Variants in SESN3 observed in about 807,000 individuals in gnomAD.
SESN3 encodes the protein sestrin 3, also known as sestrin-3.
Under a neutral mutation model 55.3 loss-of-function variants are expected in SESN3, and 21 were observed. That is an observed-to-expected ratio of 0.38 (90% CI 0.27 to 0.55). The LOEUF (loss-of-function observed/expected upper bound fraction) is 0.55. SESN3 is among the 20% of genes least tolerant of loss of function. The probability of loss-of-function intolerance (pLI) is 0.76; values close to 1 mark genes in which losing one functional copy is unlikely to be tolerated. For synonymous variants in SESN3, 181 were observed against 203.1 expected (o/e 0.89, Z 0.93); for missense variants, 408 against 604.3 (o/e 0.68, Z 3.41).
At chr11:95,206,365 T>TACAC (rs3032056) in intron 1 of SESN3, among the ~76,000 whole-genome samples, 4,434 of 140,408 alleles carry the variant, frequency 0.032, 115 homozygotes, top group African/African-American at 0.082. Flanking sequence ...AGTCCTAAAA[T>TACAC]ACACACACAC....
chr11:95,210,838 A>T (rs1860641554), intron 1 of SESN3, among the ~76,000 whole-genome samples: 2 of 152,340 alleles, frequency 1.3e-5, no homozygotes, highest in East Asian at 1.9e-4. Flanking sequence ...AGAAAAACCC[A>T]AACTTGGTAA....
rs1448778329 is a variant in SESN3, at chr11:95,172,084, G to C, written c.*1171C>G. ...AGAAATTTGAAAAAAATTTCTTTAT[G>C]GCTCTGTTTAAAAGGACACTTTTGC... is the stretch of plus-strand genomic sequence containing the variant. On this transcript the variant is annotated 3_prime_UTR_variant, in exon 10 of 10. Coordinates refer to ENST00000536441, the MANE Select transcript of SESN3 (RefSeq NM_144665.4). 1 of 152,074 alleles carries C rather than the reference G, an allele frequency of 6.6e-6. No homozygotes were observed. Among genetic ancestry groups the C allele is most frequent in the Non-Finnish European group, 1.5e-5 (1 of 67,980 alleles). The allele number at this position is 152,074 out of a possible 1,614,324, so 9.4% of individuals were successfully genotyped here.
chr11:95,179,738 G>A (rs994448729), intron 6 of SESN3, among the ~76,000 whole-genome samples: 62 of 152,204 alleles, frequency 4.1e-4, no homozygotes, highest in African/African-American at 1.4e-3. Context: ...CATTCACTGA[G>A]CTTTATGCCT....
At position 95,191,482 on chromosome 11, in the gene SESN3, A is replaced by G. The variant is rs1860267022; in HGVS notation, c.264T>C (p.Ser88=). The part of the protein sequence containing the change: ...VMSLHTQYLE[S]FLRSQFYMLR... ...ACATGTAAAACTGGCTCCGCAAGAA[A>G]GACTCCAGGTACTGAGTGTGTAAAC... Residue 88 remains serine, a synonymous_variant, in exon 3 of 10, where the codon TCT becomes TCC. Transcript: ENST00000536441. 6.2e-7 allele frequency: 1 copy of G among 1,613,120 alleles called. No homozygotes were observed. The highest frequency in any genetic ancestry group is 8.5e-7 in the Non-Finnish European group (1 of 1,179,352).
chr11:95,176,700 T>C (rs891762981), intron 8 of SESN3, among the ~76,000 whole-genome samples: 2 of 152,214 alleles, frequency 1.3e-5, no homozygotes, highest in African/African-American at 4.8e-5. Context: ...GTAAGCTTTA[T>C]TTTGTAGCAT....
At chr11:95,200,939 C>T (rs767807567) in intron 1 of SESN3, 11 of 152,024 alleles carry the variant, frequency 7.2e-5, no homozygotes, top group Non-Finnish European at 1.2e-4. Context: ...ATCATCAGTT[C>T]TTTGTAGGGC....
chr11:95,217,938 C>T (rs1166627876), intron 1 of SESN3, among the ~76,000 whole-genome samples: 1 of 152,190 alleles, frequency 6.6e-6, no homozygotes, highest in Non-Finnish European at 1.5e-5. Context: ...AAATTACTGA[C>T]ATCCACCACT....
chr11:95,202,752 C>G (rs1206824594), intron 1 of SESN3, among the ~76,000 whole-genome samples: 2 of 152,000 alleles, frequency 1.3e-5, no homozygotes, highest in Non-Finnish European at 2.9e-5. Flanking sequence ...TTAACTATTG[C>G]TTCCTTAGTA....
At chr11:95,177,627 C>T in intron 8 of SESN3, 92 bp downstream of exon 8, 7 of 794,202 alleles carry the variant, frequency 8.8e-6, no homozygotes, top group South Asian at 4.3e-5. Context: ...ATTTTCTTCC[C>T]AGAGTCATAT....
At chr11:95,192,545 AAAGCCCAGACT>A (rs1363642315) in intron 2 of SESN3, among the ~76,000 whole-genome samples, 2 of 152,084 alleles carry the variant, frequency 1.3e-5, no homozygotes, top group Non-Finnish European at 2.9e-5. Flanking sequence ...CAGATCCCCT[AAAGCCCAGACT>A]AATGGTCTTT....
intron 6 of SESN3, among the ~76,000 whole-genome samples, chr11:95,183,232 T>C (rs961073145): frequency 9.9e-5 from 15 of 152,098 alleles, no homozygotes; most frequent in Admixed American, 2.0e-4. Flanking sequence ...CTAGGTTTCT[T>C]TGTTTGGAAT....
At chr11:95,218,836 T>C (rs963907108) in intron 1 of SESN3, among the ~76,000 whole-genome samples, 2 of 152,060 alleles carry the variant, frequency 1.3e-5, no homozygotes, top group African/African-American at 4.8e-5. Context: ...TTTTGTTTAG[T>C]GGAGATGGGG....
At position 95,231,126 on chromosome 11, in the gene SESN3, C is replaced by A. The variant is rs1189061652; in HGVS notation, c.-266G>T. 5.0e-6 allele frequency: 2 copies of A among 400,774 alleles called. No homozygotes were observed. Among genetic ancestry groups the A allele is most frequent in the Non-Finnish European group, 8.7e-6 (2 of 230,902 alleles). The allele number at this position is 400,774 out of a possible 1,614,324, so 24.8% of individuals were successfully genotyped here. A position where few individuals can be genotyped will look rare whatever the true frequency, so the allele number is the denominator to read the frequency against. ...GTTCCACCCGCCCCCATCTTCCAGA[C>A]CCCCGCCCCCGCCAGGCTAGGACGA... On this transcript the variant is annotated 5_prime_UTR_variant, in exon 1 of 10. Coordinates refer to ENST00000536441, the MANE Select transcript of SESN3 (RefSeq NM_144665.4).
chr11:95,216,980 C>G (rs1279798033), intron 1 of SESN3, among the ~76,000 whole-genome samples: 1 of 151,780 alleles, frequency 6.6e-6, no homozygotes, highest in African/African-American at 2.4e-5. Context: ...GTGGTGCATG[C>G]CTGTACTCCC....
At chr11:95,190,233 A>C (rs1472065718) in intron 3 of SESN3, among the ~76,000 whole-genome samples, 1 of 151,998 alleles carries the variant, frequency 6.6e-6, no homozygotes, top group Non-Finnish European at 1.5e-5. Flanking sequence ...CTTTCTAGCT[A>C]TGAATAGGAA....
At chr11:95,212,117 A>G (rs1325139219) in intron 1 of SESN3, among the ~76,000 whole-genome samples, 1 of 152,226 alleles carries the variant, frequency 6.6e-6, no homozygotes, top group African/African-American at 2.4e-5. Flanking sequence ...ATCATTAAAA[A>G]TAGTCCACTG....
intron 5 of SESN3, 93 bp from the exon 6 acceptor site, chr11:95,184,687 C>T (rs112966976): frequency 2.1e-4 from 246 of 1,146,652 alleles, no homozygotes; most frequent in Non-Finnish European, 2.8e-4. Flanking sequence ...CTATGTACAG[C>T]GGAACAGGCA....
At chr11:95,228,441 T>C (rs887657963) in intron 1 of SESN3, among the ~76,000 whole-genome samples, 2 of 152,194 alleles carry the variant, frequency 1.3e-5, no homozygotes, top group African/African-American at 4.8e-5. Flanking sequence ...CTTGGCTACA[T>C]TACTGAACAC....
chr11:95,207,224 C>T (rs1860567764), intron 1 of SESN3, among the ~76,000 whole-genome samples: 1 of 145,528 alleles, frequency 6.9e-6, no homozygotes, highest in Non-Finnish European at 1.5e-5. Context: ...TGTTAAGCAG[C>T]TTATGTAATA....
Sources: gnomAD v4.1 joint callset for allele counts (sites outside exome capture counted in the v4.1 genomes callset) on GRCh38, gnomAD v4.1.1 for gene constraint, MANE v1.5 for transcripts, NCBI Gene and HGNC (gene_info 2026-07-23, HGNC 2026-07-21) for gene names.